The following TTC1 variants were observed in gnomAD, a reference collection of about 807,000 sequenced individuals.
TTC1 encodes tetratricopeptide repeat domain 1.
In TTC1, 31 loss-of-function variants were observed where a neutral mutation model predicts 37.6. The observed-to-expected ratio is 0.82, with a 90% CI of 0.62 to 1.11. The LOEUF is 1.11. TTC1 is among the 50% of genes most tolerant of loss of function. The pLI, the probability that TTC1 is intolerant of heterozygous loss-of-function variation, is 0.00. For synonymous variants in TTC1, 127 were observed against 122.4 expected, an observed-to-expected ratio of 1.04 and a Z score of -0.25; for missense variants, 351 against 339.0, an observed-to-expected ratio of 1.04 and a Z score of -0.28.
At chr5:160,034,289 A>G (rs376348616) in intron 2 of TTC1, among the ~76,000 whole-genome samples, 4 of 152,180 alleles carry the variant, frequency 2.6e-5, no homozygotes, top group South Asian at 2.1e-4. Context: ...AAAAAAGTGC[A>G]CACACTCAGC....
chr5:160,028,651 T>C (rs1362982796), intron 2 of TTC1, among the ~76,000 whole-genome samples: 1 of 152,062 alleles, frequency 6.6e-6, no homozygotes, highest in Non-Finnish European at 1.5e-5. Context: ...TTTTTTTGGC[T>C]TTTTGCTAGA....
At chr5:160,010,278 A>G (rs1756472647) in intron 1 of TTC1, among the ~76,000 whole-genome samples, 1 of 151,508 alleles carries the variant, frequency 6.6e-6, no homozygotes, top group Non-Finnish European at 1.5e-5. Context: ...AAAAAAAAAA[A>G]AGAATCTGGT....
intron 7 of TTC1, among the ~76,000 whole-genome samples, chr5:160,064,162 T>G (rs532033229): frequency 5.3e-5 from 8 of 152,050 alleles, no homozygotes; most frequent in African/African-American, 1.9e-4. Context: ...AGAGATAGGG[T>G]TTCATCATGT....
intron 4 of TTC1, among the ~76,000 whole-genome samples, chr5:160,041,091 G>C (rs374230039): frequency 1.1e-4 from 16 of 151,800 alleles, no homozygotes; most frequent in Admixed American, 1.0e-3. Context: ...CCTCAAGAGC[G>C]ACACATACAT....
intron 2 of TTC1, among the ~76,000 whole-genome samples, chr5:160,031,590 G>C (rs1223695514): frequency 6.6e-6 from 1 of 151,984 alleles, no homozygotes; most frequent in South Asian, 2.1e-4. Flanking sequence ...CTCCAGACTG[G>C]GTGATGGAGT....
intron 6 of TTC1, among the ~76,000 whole-genome samples, 175 bp from the exon 7 acceptor site, chr5:160,050,954 C>G (rs557925201): frequency 6.8e-6 from 1 of 146,196 alleles, no homozygotes; most frequent in Non-Finnish European, 1.5e-5. Flanking sequence ...TTATGTAGCG[C>G]ACCACAAACA....
At chr5:160,010,464 A>G in intron 1 of TTC1, 36 bp from the exon 2 acceptor site, 7 of 1,382,668 alleles carry the variant, frequency 5.1e-6, no homozygotes, top group Non-Finnish European at 7.0e-6. Context: ...AAATACAAGC[A>G]CCATTATATA....
intron 2 of TTC1, among the ~76,000 whole-genome samples, chr5:160,014,093 C>T (rs1338958622): frequency 6.6e-6 from 1 of 152,096 alleles, no homozygotes; most frequent in African/African-American, 2.4e-5. Context: ...TGGCTCACAC[C>T]TATAATCCCA....
chr5:160,020,714 A>T (rs1290140050), intron 2 of TTC1, among the ~76,000 whole-genome samples: 1 of 152,210 alleles, frequency 6.6e-6, no homozygotes, highest in Non-Finnish European at 1.5e-5. Flanking sequence ...TCCTTACAAG[A>T]ATCTAATGCC....
At chr5:160,044,820 C>G (rs1365164020) in intron 5 of TTC1, among the ~76,000 whole-genome samples, 2 of 152,184 alleles carry the variant, frequency 1.3e-5, no homozygotes. Context: ...CTTATTTTAC[C>G]CAGCCCCTAT....
chr5:160,034,295 T>C (rs1001564109), intron 2 of TTC1, among the ~76,000 whole-genome samples: 1 of 152,198 alleles, frequency 6.6e-6, no homozygotes, highest in Admixed American at 6.5e-5. Context: ...GTGCACACAC[T>C]CAGCATGCGT....
In TTC1 at chr5:160,060,384, C is replaced by T. The variant is rs148377347; in HGVS notation, c.746-4548C>T. The stretch of plus-strand genomic sequence containing the variant: ...TATCAACTGAACCCAGTGGCAAGCA[C>T]TCGGATCCCTGTCTCTAAACATTCT... On this transcript the variant is annotated intron_variant, in intron 7 of 7. Coordinates refer to ENST00000231238, the MANE Select transcript of TTC1 (RefSeq NM_003314.3). Among the ~76,000 whole-genome samples the T allele has an allele frequency of 1.4e-3, 210 of 152,332 alleles. 1 individual carries two copies. Among genetic ancestry groups the T allele is most frequent in the African/African-American group, 4.9e-3 (202 of 41,558 alleles).
chr5:160,024,045 A>G, intron 2 of TTC1: 1 of 1,230,242 alleles, frequency 8.1e-7, no homozygotes, highest in Non-Finnish European at 1.2e-6. Context: ...GTAGTGTTCA[A>G]TCAATATACT....
At chr5:160,016,897 G>A (rs1020987069) in intron 2 of TTC1, among the ~76,000 whole-genome samples, 6 of 152,170 alleles carry the variant, frequency 3.9e-5, no homozygotes, top group South Asian at 2.1e-4. Flanking sequence ...GATAATTCAC[G>A]CTCAAGTGTA....
chr5:160,052,346 AT>A (rs942625644), intron 7 of TTC1, among the ~76,000 whole-genome samples: 2 of 151,978 alleles, frequency 1.3e-5, no homozygotes, highest in Non-Finnish European at 2.9e-5. Context: ...TCCACAAAAA[AT>A]TAGTCAGGCA....
chr5:160,048,349 G>A (rs1431412924), intron 5 of TTC1, among the ~76,000 whole-genome samples: 1 of 151,742 alleles, frequency 6.6e-6, no homozygotes, highest in Non-Finnish European at 1.5e-5. Context: ...ATGGGGTTTC[G>A]CCATGTTGGC....
intron 7 of TTC1, among the ~76,000 whole-genome samples, chr5:160,053,148 G>T (rs1190189573): frequency 6.6e-6 from 1 of 150,726 alleles, no homozygotes; most frequent in African/African-American, 2.5e-5. Flanking sequence ...CATGTTCTGT[G>T]AGATTCCCTA....
chr5:160,042,421 T>C (rs909140114), intron 4 of TTC1, among the ~76,000 whole-genome samples: 1 of 152,216 alleles, frequency 6.6e-6, no homozygotes, highest in Non-Finnish European at 1.5e-5. Flanking sequence ...AGACATCTTA[T>C]ATAACATCCA....
At chr5:160,050,759 G>A (rs1192970630) in intron 6 of TTC1, among the ~76,000 whole-genome samples, 2 of 151,418 alleles carry the variant, frequency 1.3e-5, no homozygotes, top group East Asian at 1.9e-4. Flanking sequence ...CTGAGTAGCT[G>A]CGACTACAGA....
Sources: gnomAD v4.1 joint callset for allele counts (sites outside exome capture counted in the v4.1 genomes callset) on GRCh38, gnomAD v4.1.1 for gene constraint, MANE v1.5 for transcripts, NCBI Gene and HGNC (gene_info 2026-07-23, HGNC 2026-07-21) for gene names.